Variants in B3GALT1 observed in about 807,000 individuals in gnomAD.
B3GALT1 encodes UDP-Gal:betaGlcNAc beta 1,3-galactosyltransferase, polypeptide 1.
In B3GALT1, 10 loss-of-function variants were observed where a neutral mutation model predicts 23.2. The ratio of observed to expected loss-of-function variants is 0.43; its 90% CI spans 0.27 to 0.73. The LOEUF (loss-of-function observed/expected upper bound fraction) is 0.73, where lower values mean the gene tolerates loss of function less well. Among genes scored for constraint, B3GALT1 ranks in the 30% least tolerant of loss-of-function variants. B3GALT1 has a pLI of 0.21. For synonymous variants in B3GALT1, 156 were observed against 141.5 expected (o/e 1.10, Z -0.73); for missense variants, 299 against 405.4 (o/e 0.74, Z 2.25).
intron 2 of B3GALT1, among the ~76,000 whole-genome samples, chr2:167,613,851 G>T (rs918584155): frequency 6.6e-6 from 1 of 151,730 alleles, no homozygotes; most frequent in South Asian, 2.1e-4. Flanking sequence ...TGTTTTAAAT[G>T]ATTTAAAAAA....
intron 1 of B3GALT1, among the ~76,000 whole-genome samples, chr2:167,396,339 G>C (rs1051148445): frequency 5.3e-5 from 8 of 151,878 alleles, no homozygotes; most frequent in Admixed American, 3.3e-4. Flanking sequence ...CACACTTCCT[G>C]TTTTGCTGTC....
At chr2:167,747,025 C>T (rs1687663366) in intron 3 of B3GALT1, among the ~76,000 whole-genome samples, 2 of 152,174 alleles carry the variant, frequency 1.3e-5, no homozygotes, top group African/African-American at 4.8e-5. Context: ...TTCCCCTTCC[C>T]CATATCGTAC....
At chr2:167,827,679 C>G (rs139666148) in intron 4 of B3GALT1, among the ~76,000 whole-genome samples, 1 of 152,160 alleles carries the variant, frequency 6.6e-6, no homozygotes, top group Non-Finnish European at 1.5e-5. Flanking sequence ...CTCGGATGCT[C>G]TATATCCAAA....
At chr2:167,606,265 T>C (rs1036169164) in intron 2 of B3GALT1, among the ~76,000 whole-genome samples, 6 of 152,178 alleles carry the variant, frequency 3.9e-5, no homozygotes, top group Admixed American at 1.3e-4. Context: ...TGAGCAAATA[T>C]ACTTAATTGA....
chr2:167,802,231 T>C (rs1189406285), intron 3 of B3GALT1, among the ~76,000 whole-genome samples: 8 of 152,188 alleles, frequency 5.3e-5, no homozygotes, highest in African/African-American at 1.9e-4. Context: ...GGACTTAGCA[T>C]GTGGTGAACA....
rs112718964 is a variant in B3GALT1, at chr2:167,835,207, C to T, written c.-230+16414C>T. On this transcript the variant is annotated intron_variant, in intron 4 of 4. Coordinates refer to ENST00000392690, the MANE Select transcript of B3GALT1 (RefSeq NM_020981.4). ...AGGTTAGTGGGTGCAGCACACCATG[C>T]GCGAGCCGAAGCAGGGCGAGGCATT... Among the ~76,000 whole-genome samples the T allele has an allele frequency of 5.2e-3, 793 of 152,218 alleles. 5 individuals are homozygous for T. The highest frequency in any genetic ancestry group is 7.7e-3 in the Non-Finnish European group (523 of 68,016).
chr2:167,673,504 T>G (rs1686368794), intron 3 of B3GALT1, among the ~76,000 whole-genome samples: 1 of 152,064 alleles, frequency 6.6e-6, no homozygotes, highest in African/African-American at 2.4e-5. Flanking sequence ...TTTATTAGAT[T>G]AAATCCCTTA....
At chr2:167,617,156 C>T (rs529942870) in intron 2 of B3GALT1, among the ~76,000 whole-genome samples, 6 of 152,164 alleles carry the variant, frequency 3.9e-5, no homozygotes, top group African/African-American at 1.4e-4. Flanking sequence ...CTCCTTTAAA[C>T]TTAAAGCCTC....
intron 1 of B3GALT1, among the ~76,000 whole-genome samples, chr2:167,319,597 G>A (rs2105491882): frequency 6.6e-6 from 1 of 152,044 alleles, no homozygotes; most frequent in African/African-American, 2.4e-5. Flanking sequence ...GATACTATTG[G>A]CTTAATTTTT....
At chr2:167,534,574 A>G (rs1271901158) in intron 2 of B3GALT1, among the ~76,000 whole-genome samples, 1 of 152,180 alleles carries the variant, frequency 6.6e-6, no homozygotes, top group Non-Finnish European at 1.5e-5. Context: ...CTAAATTAGG[A>G]TGTTTTAAGT....
intron 2 of B3GALT1, among the ~76,000 whole-genome samples, chr2:167,554,604 A>C (rs1683811498): frequency 6.6e-6 from 1 of 152,314 alleles, no homozygotes; most frequent in Non-Finnish European, 1.5e-5. Context: ...AAAAATACTA[A>C]GTGTATGCAA....
intron 2 of B3GALT1, among the ~76,000 whole-genome samples, chr2:167,518,420 ATGTAAAAAT>A (rs1325815339): frequency 1.3e-5 from 2 of 152,212 alleles, no homozygotes; most frequent in East Asian, 1.9e-4. Context: ...CAAGAAATAA[ATGTAAAAAT>A]TGATTTAAAG....
intron 2 of B3GALT1, among the ~76,000 whole-genome samples, chr2:167,577,305 A>G (rs564350446): frequency 6.6e-6 from 1 of 151,982 alleles, no homozygotes; most frequent in East Asian, 1.9e-4. Context: ...AGGCAATTAA[A>G]TTGAAACCAA....
intron 3 of B3GALT1, among the ~76,000 whole-genome samples, chr2:167,676,211 A>G (rs1488077976): frequency 1.3e-5 from 2 of 151,956 alleles, no homozygotes; most frequent in Non-Finnish European, 2.9e-5. Context: ...CTCTCTTTTT[A>G]TGAGTAATTC....
intron 3 of B3GALT1, among the ~76,000 whole-genome samples, chr2:167,662,673 A>C (rs1686081385): frequency 6.6e-6 from 1 of 151,984 alleles, no homozygotes; most frequent in Admixed American, 6.6e-5. Flanking sequence ...CACAGCCTTC[A>C]ATGGCTCCCC....
intron 2 of B3GALT1, among the ~76,000 whole-genome samples, chr2:167,535,440 G>A (rs905410513): frequency 3.9e-5 from 6 of 152,178 alleles, no homozygotes. Flanking sequence ...TACCTCACAT[G>A]TGGGGATACT....
rs1697165895 is a variant in B3GALT1 at position 167,342,554 on chromosome 2, C to CA, written c.-511+49221dup. Among the ~76,000 whole-genome samples, 5 of 150,322 alleles carry CA rather than the reference C, an allele frequency of 3.3e-5. No individual in the cohort carries two copies. In the South Asian group the frequency reaches 1.1e-3, roughly 32 times the overall value. The stretch of plus-strand genomic sequence containing the variant: ...GCAGTGAACTGAGACTGTGCCACTG[C>CA]ACTCCAGCCTGGGTGACAGAGAGAG... On this transcript the variant is annotated intron_variant, in intron 1 of 4. Coordinates refer to ENST00000392690, the MANE Select transcript of B3GALT1 (RefSeq NM_020981.4).
intron 2 of B3GALT1, among the ~76,000 whole-genome samples, chr2:167,533,315 A>G (rs547215608): frequency 1.6e-4 from 23 of 148,224 alleles, no homozygotes; most frequent in African/African-American, 5.3e-4. Flanking sequence ...TGTACTTTTT[A>G]TTTCTACTCC....
At chr2:167,347,199 A>G (rs1004939895) in intron 1 of B3GALT1, among the ~76,000 whole-genome samples, 1 of 152,080 alleles carries the variant, frequency 6.6e-6, no homozygotes, top group Non-Finnish European at 1.5e-5. Flanking sequence ...AGCCTCATGG[A>G]CCCAATGCAG....
Sources: gnomAD v4.1 joint callset for allele counts (sites outside exome capture counted in the v4.1 genomes callset) on GRCh38, gnomAD v4.1.1 for gene constraint, MANE v1.5 for transcripts, NCBI Gene and HGNC (gene_info 2026-07-23, HGNC 2026-07-21) for gene names.